ELMO2: variants seen among roughly 807,000 people sequenced by gnomAD.
ELMO2 encodes the protein engulfment and cell motility 2, also known as engulfment and cell motility protein 2.
A neutral mutation model predicts 96.2 loss-of-function variants in ELMO2; 37 were observed. That is an observed-to-expected ratio of 0.38 (90% CI 0.30 to 0.51). The LOEUF (loss-of-function observed/expected upper bound fraction) is 0.51. ELMO2 is among the 20% of genes least tolerant of loss of function. The pLI, the probability that ELMO2 is intolerant of heterozygous loss-of-function variation, is 0.88. For synonymous variants in ELMO2, 315 were observed against 329.4 expected, an observed-to-expected ratio of 0.96 and a Z score of 0.47; for missense variants, 561 against 912.6, an observed-to-expected ratio of 0.61 and a Z score of 4.96.
At chr20:46,393,446 G>A (rs1384651807) in intron 5 of ELMO2, 83 bp downstream of exon 5, 8 of 1,432,240 alleles carry the variant, frequency 5.6e-6, no homozygotes, top group Non-Finnish European at 7.8e-6. Flanking sequence ...CCTGGATGCT[G>A]AGTGAAGATA....
At chr20:46,399,170 G>GC (rs1269108608) in intron 1 of ELMO2, among the ~76,000 whole-genome samples, 2 of 152,174 alleles carry the variant, frequency 1.3e-5, no homozygotes, top group African/African-American at 4.8e-5. Context: ...CTCTGCACCT[G>GC]ACCCGCAGCA....
At position 46,386,756 on chromosome 20, in the gene ELMO2, G is replaced by A. The variant is rs1019922033; in HGVS notation, c.526-481C>T. Among the ~76,000 whole-genome samples, 6 of 152,182 alleles carry A rather than the reference G, an allele frequency of 3.9e-5. No homozygotes were observed. In the East Asian group the frequency reaches 5.8e-4, roughly 15 times the overall value. ...GGTCATTTCACTTGTGTCCAGTGTC[G>A]GGGAGTCCCAATGTCCTAAGCCAAT... On this transcript the variant is annotated intron_variant, in intron 8 of 21. Transcript: ENST00000290246.
At chr20:46,379,140 C>T (rs548871920) in intron 11 of ELMO2, among the ~76,000 whole-genome samples, 1 of 151,978 alleles carries the variant, frequency 6.6e-6, no homozygotes, top group Non-Finnish European at 1.5e-5. Flanking sequence ...ATTACAGGCG[C>T]CTATCACCAC....
chr20:46,386,354 T>G, intron 8 of ELMO2, 79 bp from the exon 9 acceptor site: 1 of 1,559,586 alleles, frequency 6.4e-7, no homozygotes. Context: ...TGCTAGCCCT[T>G]GAAGCTCTCT....
intron 2 of ELMO2, among the ~76,000 whole-genome samples, chr20:46,397,152 C>T: frequency 6.6e-6 from 1 of 152,168 alleles, no homozygotes; most frequent in Non-Finnish European, 1.5e-5. Flanking sequence ...TGATTCTCGG[C>T]TGTTCAAAAA....
chr20:46,398,400 T>C (rs925879463), intron 2 of ELMO2, among the ~76,000 whole-genome samples: 4 of 152,104 alleles, frequency 2.6e-5, no homozygotes, highest in African/African-American at 9.7e-5. Flanking sequence ...TCAACCTCTG[T>C]CTCCTGGGTT....
Position 46,406,612 on chromosome 20 carries a change from G to GCCCGCCCCGCCTTCTTGGGAC in ELMO2, c.-191_-190insGTCCCAAGAAGGCGGGGCGGG, listed in dbSNP as rs1215844602. 7.2e-5 allele frequency: 11 copies of GCCCGCCCCGCCTTCTTGGGAC among 152,786 alleles called. No homozygotes were observed. Among genetic ancestry groups the GCCCGCCCCGCCTTCTTGGGAC allele is most frequent in the African/African-American group, 2.4e-4 (10 of 41,446 alleles). The allele number at this position is 152,786 out of a possible 1,614,324, so 9.5% of individuals were successfully genotyped here. ...CCGCTCGGCGGCTCCTCCAGCCTCC[G>GCCCGCCCCGCCTTCTTGGGAC]CCCGCCCCGCCTTCTTGGGACCCCG... On this transcript the variant is annotated 5_prime_UTR_variant, in exon 1 of 22. Coordinates refer to ENST00000290246, the MANE Select transcript of ELMO2 (RefSeq NM_133171.5).
rs2059777321 is a variant in ELMO2, at chr20:46,373,545, T to TG, written c.1280-11dup. The TG allele has an allele frequency of 1.9e-6, 3 of 1,612,342 alleles. No individual in the cohort carries two copies. The East Asian group carries it at 6.7e-5, about 36-fold the overall frequency. On this transcript the variant is annotated splice_polypyrimidine_tract_variant and intron_variant, in intron 15 of 21. Transcript: ENST00000290246. The stretch of plus-strand genomic sequence containing the variant: ...TTGCGTCCTTCATTTGCTGTGGAAG[T>TG]GAAAAAACAGGGAGAAGATGAAGCC...
At chr20:46,388,676 G>A (rs530151099) in intron 7 of ELMO2, among the ~76,000 whole-genome samples, 3 of 152,178 alleles carry the variant, frequency 2.0e-5, no homozygotes, top group South Asian at 4.1e-4. Flanking sequence ...ACAGACACCT[G>A]GGAGATACTG....
chr20:46,389,864 A>C (rs2060120875), intron 6 of ELMO2, among the ~76,000 whole-genome samples: 1 of 151,990 alleles, frequency 6.6e-6, no homozygotes, highest in South Asian at 2.1e-4. Context: ...TAAAAAAGAA[A>C]ATAAAATTGG....
At chr20:46,404,169 C>G (rs2060383416) in intron 1 of ELMO2, among the ~76,000 whole-genome samples, 2 of 152,022 alleles carry the variant, frequency 1.3e-5, no homozygotes, top group Non-Finnish European at 2.9e-5. Context: ...GTGTTTTTTT[C>G]TATCCAGGTC....
chr20:46,371,666 CGGGCTGGATCTT>C lies in ELMO2; in HGVS notation c.1594_1605del (p.Lys532_Pro535del). 1 of 1,613,822 alleles carries C rather than the reference CGGGCTGGATCTT, an allele frequency of 6.2e-7. No homozygotes were observed. Among genetic ancestry groups the C allele is most frequent in the Non-Finnish European group, 8.5e-7 (1 of 1,180,002 alleles). ...TGCTGCTTGATCAGCTCAAGGATCT[CGGGCTGGATCTT>C]CTCCCTCAGCTCCCTGGGGTGGACA... On this transcript the variant is annotated inframe_deletion, in exon 18 of 22. Transcript: ENST00000290246. This position sits in a 1 kb window ranked among gnomAD's most constrained non-coding sequence, Gnocchi z 5.9.
chr20:46,373,725 CCT>C (rs1377395967), intron 15 of ELMO2, among the ~76,000 whole-genome samples, 190 bp from the exon 16 acceptor site: 2 of 152,076 alleles, frequency 1.3e-5, no homozygotes, highest in Non-Finnish European at 2.9e-5. Context: ...TCTTGCCTTC[CCT>C]CTACCCTGTT....
chr20:46,367,598 C>T lies in ELMO2; in HGVS notation c.1963-38G>A. Reference sequence around the variant, plus strand: ...AGTTGCAAAATGTCACATCGTGACCCCTGGTCAGCAGGAGATCCTGCCAAG... The same window carrying T: ...AGTTGCAAAATGTCACATCGTGACCTCTGGTCAGCAGGAGATCCTGCCAAG... On this transcript the variant is annotated intron_variant, in intron 21 of 21. Coordinates refer to ENST00000290246, the MANE Select transcript of ELMO2 (RefSeq NM_133171.5). 2.0e-6 allele frequency: 3 copies of T among 1,535,932 alleles called. No homozygotes were observed. In the South Asian group the frequency reaches 3.6e-5, roughly 19 times the overall value.
chr20:46,386,689 TA>T (rs1404658687), intron 8 of ELMO2, among the ~76,000 whole-genome samples: 1 of 152,220 alleles, frequency 6.6e-6, no homozygotes, highest in Non-Finnish European at 1.5e-5. Flanking sequence ...CCTTTTACTC[TA>T]ATCCTTCTTC....
At chr20:46,384,206 G>A (rs955462361) in intron 9 of ELMO2, among the ~76,000 whole-genome samples, 19 of 152,260 alleles carry the variant, frequency 1.2e-4, no homozygotes, top group African/African-American at 2.9e-4. Context: ...ATAATTTTGC[G>A]TTTTTCTGTA....
Position 46,373,295 on chromosome 20 carries a change from G to A in ELMO2, c.1416+104C>T. ...CTTGTGACTCAGTTCTGCAGACCAA[G>A]CTGCTTTTCCAGCTCAGGGATTCTC... On this transcript the variant is annotated intron_variant, in intron 16 of 21. Transcript: ENST00000290246. 2.0e-6 allele frequency: 3 copies of A among 1,510,994 alleles called. No homozygotes were observed. In the South Asian group the frequency reaches 3.7e-5, roughly 19 times the overall value. The allele number at this position is 1,510,994 out of a possible 1,614,324, so 93.6% of individuals were successfully genotyped here. A position where few individuals can be genotyped will look rare whatever the true frequency, so the allele number is the denominator to read the frequency against.
chr20:46,369,131 C>T, intron 20 of ELMO2, 163 bp from the exon 21 acceptor site: 1 of 616,146 alleles, frequency 1.6e-6, no homozygotes, highest in East Asian at 2.8e-5. Flanking sequence ...GGAGATGAGG[C>T]CCAGCATAAA....
intron 9 of ELMO2, among the ~76,000 whole-genome samples, chr20:46,384,325 T>C (rs1478442373): frequency 6.6e-6 from 1 of 152,206 alleles, no homozygotes; most frequent in Non-Finnish European, 1.5e-5. Flanking sequence ...ACCTGCCATG[T>C]CTTGGGTGCA....
Sources: allele counts gnomAD v4.1 joint callset (sites outside exome capture counted in the v4.1 genomes callset), GRCh38; gene constraint gnomAD v4.1.1; non-coding constraint Gnocchi (gnomAD v3.1); transcripts MANE v1.5; gene names NCBI Gene and HGNC (gene_info 2026-07-23, HGNC 2026-07-21).